LRIG3: variants seen among roughly 807,000 people sequenced by gnomAD.
LRIG3 encodes leucine-rich repeats and immunoglobulin-like domains protein 3.
A neutral mutation model predicts 114.5 loss-of-function variants in LRIG3; 76 were observed. The observed-to-expected ratio is 0.66, with a 90% CI of 0.55 to 0.80. The LOEUF is 0.80. LRIG3 is among the 30% of genes least tolerant of loss of function. The pLI, the probability that LRIG3 is intolerant of heterozygous loss-of-function variation, is 0.00. For missense variants in LRIG3, 1,239 were observed against 1,382.8 expected, an observed-to-expected ratio of 0.90 and a Z score of 1.65; for synonymous variants, 512 against 519.8, an observed-to-expected ratio of 0.98 and a Z score of 0.20.
intron 12 of LRIG3, 134 bp from the exon 13 acceptor site, chr12:58,881,035 T>C: frequency 1.3e-6 from 1 of 758,634 alleles, no homozygotes; most frequent in Admixed American, 2.7e-5. Context: ...CCAGATGGAC[T>C]AGCCGTCCCC....
rs552089220 is a variant in LRIG3, at chr12:58,898,223, T to C, written c.384-7427A>G. On this transcript the variant is annotated intron_variant, in intron 3 of 18. Coordinates refer to ENST00000320743, the MANE Select transcript of LRIG3 (RefSeq NM_153377.5). ...AAACTACAGCTCCCCAGAGAGGAGATTTAGATTCTATTCCTGGTTCTGTGT... is the reference window on the plus strand; with the variant it reads ...AAACTACAGCTCCCCAGAGAGGAGACTTAGATTCTATTCCTGGTTCTGTGT... Among the ~76,000 whole-genome samples, 190 of 152,190 alleles carry C rather than the reference T, an allele frequency of 1.2e-3. 1 individual carries two copies. The highest frequency in any genetic ancestry group is 4.4e-3 in the African/African-American group (182 of 41,500).
chr12:58,900,924 G>A (rs1871824294), intron 3 of LRIG3, among the ~76,000 whole-genome samples: 1 of 152,148 alleles, frequency 6.6e-6, no homozygotes, highest in Non-Finnish European at 1.5e-5. Context: ...TCACAGACTG[G>A]CATTAACCTT....
At chr12:58,890,837 C>T (rs774703148) in intron 3 of LRIG3, 41 bp from the exon 4 acceptor site, 1 of 1,557,358 alleles carries the variant, frequency 6.4e-7, no homozygotes, top group Non-Finnish European at 8.6e-7. Flanking sequence ...GTTAACGGTA[C>T]AACAATCTGA....
chr12:58,872,458 A>AT lies in LRIG3; in HGVS notation c.*113dup. 1 of 1,245,860 alleles carries AT rather than the reference A, an allele frequency of 8.0e-7. No individual in the cohort carries two copies. 77.2% of individuals were successfully genotyped at this position (1,245,860 alleles called of 1,614,324 possible). A position where few individuals can be genotyped will look rare whatever the true frequency, so the allele number is the denominator to read the frequency against. ...TTTGGTTCATCTGTATAAATAAAGC[A>AT]TTTTTATCCTTTTAAAATTCATAAC... On this transcript the variant is annotated 3_prime_UTR_variant, in exon 19 of 19. Coordinates refer to ENST00000320743, the MANE Select transcript of LRIG3 (RefSeq NM_153377.5).
chr12:58,898,019 G>A (rs1034243307), intron 3 of LRIG3, among the ~76,000 whole-genome samples: 3 of 152,156 alleles, frequency 2.0e-5, no homozygotes, highest in Admixed American at 6.5e-5. Flanking sequence ...AAACTGGAGT[G>A]CAGACACTCA....
Position 58,886,861 on chromosome 12 carries a change from G to C in LRIG3, c.1121C>G (p.Thr374Ser). Residue 374 changes from threonine to serine, a missense_variant, in exon 9 of 19, where the codon ACT (threonine) becomes AGT (serine). Coordinates refer to ENST00000320743, the MANE Select transcript of LRIG3 (RefSeq NM_153377.5). ...LDLKNNEISW[T>S]IEDMNGAFSG... The stretch of plus-strand genomic sequence containing the variant: ...GAAAGCACCATTCATGTCTTCAATA[G>C]TCCAGGAAATTTCATTGTTCTTCAG... 11 of 1,613,488 alleles carry C rather than the reference G, an allele frequency of 6.8e-6. No homozygotes were observed. Among genetic ancestry groups the C allele is most frequent in the Non-Finnish European group, 9.3e-6 (11 of 1,179,574 alleles).
At chr12:58,913,852 G>T in intron 3 of LRIG3, 130 bp downstream of exon 3, 1 of 691,680 alleles carries the variant, frequency 1.4e-6, no homozygotes, top group Non-Finnish European at 2.4e-6. Context: ...AATTTAAAGC[G>T]CGTATCTTTA....
Position 58,874,290 on chromosome 12 carries a change from A to G in LRIG3, c.2880T>C (p.Tyr960=). 1.2e-6 allele frequency: 2 copies of G among 1,613,552 alleles called. No individual in the cohort carries two copies. Among genetic ancestry groups the G allele is most frequent in the Non-Finnish European group, 1.7e-6 (2 of 1,179,842 alleles). Residue 960 remains tyrosine, a synonymous_variant, in exon 18 of 19, where the codon TAT becomes TAC. Coordinates refer to ENST00000320743, the MANE Select transcript of LRIG3 (RefSeq NM_153377.5). ...CCTTTTTCTTTATGTAACTGGGCTC[A>G]TAGTGGTCCATTAAAACTGTTCTTG... The part of the protein sequence containing the change: ...PDPRTVLMDH[Y]EPSYIKKKEC...
intron 14 of LRIG3, 133 bp downstream of exon 14, chr12:58,878,691 T>C (rs1871012851): frequency 1.9e-6 from 2 of 1,076,180 alleles, no homozygotes; most frequent in South Asian, 1.6e-5. Flanking sequence ...TTTGCATTAA[T>C]ACTTTCTAGG....
Position 58,888,934 on chromosome 12 carries a change from C to A in LRIG3, c.688G>T (p.Val230Leu). The A allele has an allele frequency of 6.2e-7, 1 of 1,613,586 alleles. No homozygotes were observed. Among genetic ancestry groups the A allele is most frequent in the South Asian group, 1.1e-5 (1 of 91,000 alleles). The change falls in exon 6 of 19, where the codon GTA becomes TTA. Residue 230 changes from valine (V) to leucine (L), a missense_variant. Coordinates refer to ENST00000320743, the MANE Select transcript of LRIG3 (RefSeq NM_153377.5). ...AGGCCTTGGAATGTCAGTCCATCTACATTTTTAATCTTGTTTCGGTTCAAT... is the reference window on the plus strand; with the variant it reads ...AGGCCTTGGAATGTCAGTCCATCTAAATTTTTAATCTTGTTTCGGTTCAAT... ...LELNRNKIKN[V>L]DGLTFQGLGA... is the part of the protein sequence containing the mutation.
intron 6 of LRIG3, 83 bp from the exon 7 acceptor site, chr12:58,888,555 T>G: frequency 1.3e-6 from 2 of 1,520,938 alleles, no homozygotes; most frequent in East Asian, 4.6e-5. Context: ...TACAACCTAT[T>G]ACAGATTCCT....
intron 3 of LRIG3, among the ~76,000 whole-genome samples, chr12:58,892,170 A>G (rs1871477896): frequency 1.3e-5 from 2 of 152,236 alleles, no homozygotes. Context: ...TGTGCAAGCC[A>G]TCATAATTGT....
chr12:58,883,254 A>G (rs142711895), intron 11 of LRIG3, among the ~76,000 whole-genome samples: 1 of 152,346 alleles, frequency 6.6e-6, no homozygotes, highest in Non-Finnish European at 1.5e-5. Flanking sequence ...TGATTTATCA[A>G]AAGTTCCTTA....
chr12:58,917,362 C>T (rs990157571), intron 1 of LRIG3, among the ~76,000 whole-genome samples: 7 of 152,226 alleles, frequency 4.6e-5, no homozygotes, highest in African/African-American at 1.7e-4. Context: ...TTCTAACAAG[C>T]ATTCCTCTTT....
intron 16 of LRIG3, among the ~76,000 whole-genome samples, chr12:58,875,780 C>T (rs548724674): frequency 2.6e-5 from 4 of 152,376 alleles, no homozygotes; most frequent in Admixed American, 6.5e-5. Context: ...TGGCTCACGC[C>T]TGTAATCCCA....
intron 15 of LRIG3, among the ~76,000 whole-genome samples, chr12:58,876,909 T>C (rs536195992): frequency 1.3e-5 from 2 of 152,352 alleles, no homozygotes; most frequent in South Asian, 4.1e-4. Flanking sequence ...TGGGACAGTA[T>C]CTAAGCTTTC....
In LRIG3 at chr12:58,888,276, CT is replaced by C. The variant is rs1871341055; in HGVS notation, c.947+52del. The C allele has an allele frequency of 2.5e-6, 4 of 1,572,234 alleles. No individual in the cohort carries two copies. In the African/African-American group the frequency reaches 5.4e-5, roughly 21 times the overall value. On this transcript the variant is annotated intron_variant, in intron 7 of 18. Transcript: ENST00000320743. ...AGATCAGTGGTAAGAAGCTCATGCC[CT>C]GGCATGATCCCTGCTCTCAAACCTG...
At chr12:58,912,724 A>G (rs1225957501) in intron 3 of LRIG3, among the ~76,000 whole-genome samples, 4 of 152,236 alleles carry the variant, frequency 2.6e-5, no homozygotes, top group Non-Finnish European at 5.9e-5. Context: ...GGACAGCAAG[A>G]GCAAAGTGGA....
chr12:58,879,133 T>A, intron 13 of LRIG3, 28 bp from the exon 14 acceptor site: 1 of 1,588,226 alleles, frequency 6.3e-7, no homozygotes, highest in Non-Finnish European at 8.6e-7. Context: ...ATATAGGCAT[T>A]AGCACAGTGG....
Sources: allele counts gnomAD v4.1 joint callset (sites outside exome capture counted in the v4.1 genomes callset), GRCh38; gene constraint gnomAD v4.1.1; transcripts MANE v1.5; gene names NCBI Gene and HGNC (gene_info 2026-07-23, HGNC 2026-07-21).